NHS: variants seen among roughly 807,000 people sequenced by gnomAD.
NHS encodes the protein NHS actin remodeling regulator, also known as actin remodeling regulator NHS.
A neutral mutation model predicts 72.5 loss-of-function variants in NHS; 5 were observed. The observed-to-expected ratio is 0.07, with a 90% CI of 0.04 to 0.14. NHS has a LOEUF of 0.14. NHS is among the 10% of genes least tolerant of loss of function. The pLI is 1.00. For missense variants in NHS, 1,072 were observed against 1,355.7 expected, an observed-to-expected ratio of 0.79 and a Z score of 3.29; for synonymous variants, 464 against 547.7, an observed-to-expected ratio of 0.85 and a Z score of 2.13.
chrX:17,636,972 A>G (rs191838878), intron 1 of NHS, among the ~76,000 whole-genome samples: 1 of 112,125 alleles, frequency 8.9e-6, no homozygotes, highest in East Asian at 2.8e-4. Flanking sequence ...AATTATAACA[A>G]TTAAACACCT....
intron 1 of NHS, among the ~76,000 whole-genome samples, chrX:17,486,492 A>C (rs2064968155): frequency 1.8e-5 from 2 of 111,705 alleles, no homozygotes. Context: ...GTTTGGTTCC[A>C]GTCTGTTCCA....
intron 1 of NHS, among the ~76,000 whole-genome samples, chrX:17,511,567 T>C (rs1255914388): frequency 8.9e-6 from 1 of 111,771 alleles, no homozygotes; most frequent in Non-Finnish European, 1.9e-5. Context: ...AGATGTAGGG[T>C]AGGTCCCAGG....
intron 1 of NHS, among the ~76,000 whole-genome samples, chrX:17,654,813 A>T (rs146450544): frequency 8.9e-6 from 1 of 112,619 alleles, no homozygotes; most frequent in African/African-American, 3.2e-5. Context: ...TGGTATTAGG[A>T]TATATCCCAT....
chrX:17,734,528 TGTGA>T lies in NHS; in HGVS notation c.*2068_*2071del, dbSNP rs1188000332. ...GAGAGTGTGTATGGGTGTGTGTGAG[TGTGA>T]GTGTGTGTGTACGCACACACACTGG... is the stretch of plus-strand genomic sequence containing the variant. On this transcript the variant is annotated 3_prime_UTR_variant, in exon 9 of 9. Transcript: ENST00000676302. 5.4e-5 allele frequency: 6 copies of T among 110,703 alleles called. No individual in the cohort carries two copies. The highest frequency in any genetic ancestry group is 2.9e-4 in the Admixed American group (3 of 10,426). 9.1% of individuals were successfully genotyped at this position (110,703 alleles called of 1,213,427 possible).
chrX:17,381,459 A>G (rs1253578252), intron 1 of NHS, among the ~76,000 whole-genome samples: 2 of 111,558 alleles, frequency 1.8e-5, no homozygotes, highest in African/African-American at 6.5e-5. Flanking sequence ...ACCTTCAGTC[A>G]ATATCCCCCT....
intron 1 of NHS, among the ~76,000 whole-genome samples, chrX:17,564,712 G>T (rs2065433236): frequency 8.9e-6 from 1 of 111,833 alleles, no homozygotes; most frequent in African/African-American, 3.3e-5. Context: ...TTTGTGTATG[G>T]CCCTAACGGT....
At chrX:17,582,726 A>G (rs1302375032) in intron 1 of NHS, among the ~76,000 whole-genome samples, 2 of 112,641 alleles carry the variant, frequency 1.8e-5, no homozygotes, top group African/African-American at 3.2e-5. Flanking sequence ...TGCCTCTGCA[A>G]CCTTCCTGCA....
Position 17,692,827 on chromosome X carries a change from G to A in NHS, c.852+359G>A, listed in dbSNP as rs140030585. On this transcript the variant is annotated intron_variant, in intron 3 of 8. Coordinates refer to ENST00000676302, the MANE Select transcript of NHS (RefSeq NM_001291867.2). The stretch of plus-strand genomic sequence containing the variant: ...CCTCAGTTCCCTCATCTGTAATATA[G>A]GGATATTAATAGTACCTGGTTTATA... Among the ~76,000 whole-genome samples, 299 of 110,128 alleles carry A rather than the reference G, an allele frequency of 2.7e-3. 5 individuals carry two copies. The highest frequency in any genetic ancestry group is 9.6e-3 in the African/African-American group (292 of 30,260).
At chrX:17,553,494 A>C (rs2065347834) in intron 1 of NHS, among the ~76,000 whole-genome samples, 1 of 112,543 alleles carries the variant, frequency 8.9e-6, no homozygotes, top group South Asian at 3.7e-4. Flanking sequence ...CCTTCTGCCA[A>C]GAAAATAGAA....
intron 1 of NHS, among the ~76,000 whole-genome samples, chrX:17,416,819 T>TGTGTGAGA (rs1445369548): frequency 4.2e-4 from 41 of 98,198 alleles, no homozygotes; most frequent in African/African-American, 1.6e-3. Context: ...TGTGTGTGTG[T>TGTGTGAGA]GAGAGAGAGA....
At chrX:17,430,039 C>T (rs182696343) in intron 1 of NHS, among the ~76,000 whole-genome samples, 1 of 111,379 alleles carries the variant, frequency 9.0e-6, no homozygotes, top group Non-Finnish European at 1.9e-5. Flanking sequence ...GCTATGAACA[C>T]CCAAAATGAT....
At chrX:17,585,147 A>C (rs774713118) in intron 1 of NHS, among the ~76,000 whole-genome samples, 1 of 111,612 alleles carries the variant, frequency 9.0e-6, no homozygotes. Context: ...AGTGGAAAGT[A>C]GCCCGTCTCC....
chrX:17,635,576 G>T, intron 1 of NHS: 1 of 1,167,201 alleles, frequency 8.6e-7, no homozygotes, highest in Non-Finnish European at 1.1e-6. Flanking sequence ...CATGGCTCTG[G>T]CCTGCTGCAT....
intron 2 of NHS, 40 bp downstream of exon 2, chrX:17,687,934 C>T: frequency 8.4e-7 from 1 of 1,187,683 alleles, no homozygotes; most frequent in South Asian, 1.8e-5. Context: ...CGGGAGACAA[C>T]TCGGAGGTTG....
At chrX:17,467,786 T>C (rs2064876372) in intron 1 of NHS, among the ~76,000 whole-genome samples, 1 of 111,797 alleles carries the variant, frequency 8.9e-6, no homozygotes, top group African/African-American at 3.3e-5. Context: ...GAAGGGATCA[T>C]TTGATCAGAT....
intron 1 of NHS, among the ~76,000 whole-genome samples, chrX:17,670,819 G>T (rs898859472): frequency 6.3e-5 from 7 of 111,710 alleles, no homozygotes; most frequent in Admixed American, 4.7e-4. Context: ...TATTCCAATT[G>T]CTGCATGGGT....
At chrX:17,438,541 C>T (rs944580359) in intron 1 of NHS, among the ~76,000 whole-genome samples, 1 of 111,753 alleles carries the variant, frequency 8.9e-6, no homozygotes, top group African/African-American at 3.3e-5. Flanking sequence ...TGGGCCACCA[C>T]AGATCTCCTG....
chrX:17,404,183 T>C (rs2064516299), intron 1 of NHS, among the ~76,000 whole-genome samples: 1 of 112,012 alleles, frequency 8.9e-6, no homozygotes, highest in Admixed American at 9.5e-5. Flanking sequence ...TTGCTTTGTG[T>C]CGTAATTCCC....
intron 1 of NHS, among the ~76,000 whole-genome samples, chrX:17,433,813 A>T (rs1319743276): frequency 8.9e-6 from 1 of 112,316 alleles, no homozygotes; most frequent in Non-Finnish European, 1.9e-5. Flanking sequence ...TTTATGGATT[A>T]TATGTACCCT....
Sources: allele counts gnomAD v4.1 joint callset (sites outside exome capture counted in the v4.1 genomes callset), GRCh38; gene constraint gnomAD v4.1.1; transcripts MANE v1.5; gene names NCBI Gene and HGNC (gene_info 2026-07-23, HGNC 2026-07-21).